HMCN1: variants seen among roughly 807,000 people sequenced by gnomAD.
HMCN1 encodes hemicentin-1.
A neutral mutation model predicts 625.9 loss-of-function variants in HMCN1; 321 were observed. That is an observed-to-expected ratio of 0.51 (90% CI 0.47 to 0.56). The LOEUF (loss-of-function observed/expected upper bound fraction) is 0.56, where lower values mean the gene tolerates loss of function less well. HMCN1 is among the 20% of genes least tolerant of loss of function. HMCN1 has a pLI of 0.00. For missense variants in HMCN1, 6,588 were observed against 6,887.3 expected (o/e 0.96, Z 1.54); for synonymous variants, 2,425 against 2,417.6 (o/e 1.00, Z -0.09).
At chr1:186,142,251 C>T (rs985384226) in intron 89 of HMCN1, among the ~76,000 whole-genome samples, 1 of 152,066 alleles carries the variant, frequency 6.6e-6, no homozygotes, top group Non-Finnish European at 1.5e-5. Flanking sequence ...TGAGAACATG[C>T]AGTATTTGGT....
At chr1:185,786,295 A>C (rs772988148) in intron 1 of HMCN1, among the ~76,000 whole-genome samples, 3 of 152,236 alleles carry the variant, frequency 2.0e-5, no homozygotes, top group Non-Finnish European at 2.9e-5. Flanking sequence ...TTTACACAGT[A>C]CATAGTCTTC....
chr1:185,809,816 C>T (rs1659400914), intron 1 of HMCN1, among the ~76,000 whole-genome samples: 1 of 152,068 alleles, frequency 6.6e-6, no homozygotes, highest in African/African-American at 2.4e-5. Flanking sequence ...CTCTGAAAGG[C>T]TTAAGATACT....
intron 2 of HMCN1, among the ~76,000 whole-genome samples, chr1:185,847,584 T>G (rs1661900759): frequency 6.6e-6 from 1 of 152,192 alleles, no homozygotes; most frequent in South Asian, 2.1e-4. Context: ...CCTATCCTTA[T>G]TCACTTGATC....
chr1:185,937,838 G>A lies in HMCN1; in HGVS notation c.1828+4014G>A, dbSNP rs193061839. ...GGAGGTTGCTGTGAGTCAAGATCAC[G>A]CCTCTGCACTCCAGCCTGGGCAACA... On this transcript the variant is annotated intron_variant, in intron 11 of 106. Transcript: ENST00000271588. 2.1e-4 allele frequency among the ~76,000 whole-genome samples: 31 copies of A among 150,950 alleles called. No individual in the cohort carries two copies. In the East Asian group the frequency reaches 2.7e-3, roughly 13 times the overall value.
At chr1:185,832,974 A>G (rs540560726) in intron 1 of HMCN1, among the ~76,000 whole-genome samples, 29 of 152,308 alleles carry the variant, frequency 1.9e-4, no homozygotes. Context: ...GAGAAATTCA[A>G]TAGATATCTT....
chr1:186,015,216 G>A lies in HMCN1; in HGVS notation c.4688G>A (p.Ser1563Asn). Reference sequence around the variant, plus strand: ...ACAGACATATCAGTATTGATCAACAGCCTTATTAAACTGGAATGTGAAACA... The same window carrying A: ...ACAGACATATCAGTATTGATCAACAACCTTATTAAACTGGAATGTGAAACA... ...VTTDISVLIN[S>N]LIKLECETRG... The change falls in exon 31 of 107, where the codon AGC becomes AAC. Residue 1563 changes from serine (S) to asparagine (N), a missense_variant. Ser to Asn is a conservative substitution (Grantham distance 46). Coordinates refer to ENST00000271588, the MANE Select transcript of HMCN1 (RefSeq NM_031935.3). The A allele has an allele frequency of 1.2e-6, 2 of 1,613,656 alleles. No homozygotes were observed. The highest frequency in any genetic ancestry group is 1.1e-5 in the South Asian group (1 of 91,076).
chr1:185,784,219 G>T (rs960747404), intron 1 of HMCN1, among the ~76,000 whole-genome samples: 1 of 152,198 alleles, frequency 6.6e-6, no homozygotes, highest in African/African-American at 2.4e-5. Context: ...GTATTAGGAT[G>T]GGAGTGACCC....
intron 1 of HMCN1, among the ~76,000 whole-genome samples, chr1:185,778,826 A>G (rs148771851): frequency 0.024 from 3,620 of 152,218 alleles, 138 homozygotes; most frequent in African/African-American, 0.082. Flanking sequence ...GTGTCTTTAT[A>G]GCAGCATGAT....
intron 1 of HMCN1, among the ~76,000 whole-genome samples, chr1:185,765,835 T>A (rs551656677): frequency 1.3e-5 from 2 of 152,300 alleles, no homozygotes; most frequent in South Asian, 4.1e-4. Context: ...TGTGTTCTAA[T>A]CTATGTGATC....
At chr1:186,006,991 G>A (rs1653678348) in intron 29 of HMCN1, 137 bp from the exon 30 acceptor site, 3 of 693,334 alleles carry the variant, frequency 4.3e-6, no homozygotes, top group Non-Finnish European at 5.0e-6. Context: ...TATTCTTGGA[G>A]TGCTAATCAT....
At chr1:185,913,986 A>G (rs770691919) in intron 6 of HMCN1, among the ~76,000 whole-genome samples, 46 of 152,266 alleles carry the variant, frequency 3.0e-4, no homozygotes, top group Middle Eastern at 3.4e-3. Flanking sequence ...AATTAAGGGA[A>G]CAATAAAAAG....
chr1:185,862,494 A>G (rs191639099), intron 2 of HMCN1, among the ~76,000 whole-genome samples: 55 of 152,284 alleles, frequency 3.6e-4, no homozygotes, highest in Admixed American at 6.5e-4. Context: ...GTTAACAAAA[A>G]TAGGGATGAC....
At chr1:185,814,713 A>T (rs1659737814) in intron 1 of HMCN1, among the ~76,000 whole-genome samples, 1 of 146,820 alleles carries the variant, frequency 6.8e-6, no homozygotes, top group Non-Finnish European at 1.5e-5. Context: ...TTTTTTTGAG[A>T]TGCAGTATCA....
intron 30 of HMCN1, among the ~76,000 whole-genome samples, chr1:186,010,904 G>GT (rs1241541530): frequency 1.3e-5 from 2 of 152,048 alleles, no homozygotes; most frequent in African/African-American, 4.8e-5. Flanking sequence ...TTATTTGATA[G>GT]TTTTTTTAAA....
chr1:185,854,954 C>T (rs1165062950), intron 2 of HMCN1, among the ~76,000 whole-genome samples: 2 of 152,078 alleles, frequency 1.3e-5, no homozygotes, highest in Non-Finnish European at 1.5e-5. Context: ...AGACGGCATG[C>T]AGAATCCATA....
intron 75 of HMCN1, among the ~76,000 whole-genome samples, chr1:186,116,185 T>G (rs1661126179): frequency 6.6e-6 from 1 of 152,172 alleles, no homozygotes; most frequent in African/African-American, 2.4e-5. Flanking sequence ...GACTTGAAAG[T>G]ATACACTGTA....
At position 186,125,879 on chromosome 1, in the gene HMCN1, T is replaced by G. The variant is rs376480096; in HGVS notation, c.12690+85T>G. On this transcript the variant is annotated intron_variant, in intron 82 of 106. Coordinates refer to ENST00000271588, the MANE Select transcript of HMCN1 (RefSeq NM_031935.3). ...TTTAGTAATTTAGCATGGAAGTATA[T>G]TCTTTAATAATTAAAAAAAATATTC... is the stretch of plus-strand genomic sequence containing the variant. 7.6e-5 allele frequency: 73 copies of G among 955,804 alleles called. 2 individuals carry two copies. In the South Asian group the frequency reaches 1.1e-3, roughly 14 times the overall value. The allele number at this position is 955,804 out of a possible 1,614,324, so 59.2% of individuals were successfully genotyped here.
chr1:185,736,156 C>T (rs1284364574), intron 1 of HMCN1, among the ~76,000 whole-genome samples: 2 of 152,078 alleles, frequency 1.3e-5, no homozygotes, highest in African/African-American at 4.8e-5. Flanking sequence ...TAAACAATGG[C>T]ACTGGGAGAA....
chr1:185,996,132 A>G (rs890178196), intron 24 of HMCN1, among the ~76,000 whole-genome samples: 2 of 152,144 alleles, frequency 1.3e-5, no homozygotes, highest in Non-Finnish European at 2.9e-5. Flanking sequence ...TGACTATGTA[A>G]TTAGACATTG....
Sources: allele counts gnomAD v4.1 joint callset (sites outside exome capture counted in the v4.1 genomes callset), GRCh38; gene constraint gnomAD v4.1.1; transcripts MANE v1.5; gene names NCBI Gene and HGNC (gene_info 2026-07-23, HGNC 2026-07-21).